The following MIB1 variants were observed in gnomAD, a reference collection of about 807,000 sequenced individuals.
MIB1 encodes the protein E3 ubiquitin-protein ligase MIB1.
MIB1 carries 278 observed loss-of-function variants against 124.5 expected under a neutral mutation model. That is an observed-to-expected ratio of 2.23 (90% CI 2.02 to 2.47). The LOEUF is 2.47. Among genes scored for constraint, MIB1 ranks in the 30% most tolerant of loss-of-function variants. The probability of loss-of-function intolerance (pLI) is 0.00; values close to 1 mark genes in which losing one functional copy is unlikely to be tolerated. For missense variants in MIB1, 957 were observed against 1,254.4 expected (o/e 0.76, Z 3.58); for synonymous variants, 446 against 429.4 (o/e 1.04, Z -0.48).
At chr18:21,706,609 T>G (rs2040635947) in intron 1 of MIB1, among the ~76,000 whole-genome samples, 1 of 152,034 alleles carries the variant, frequency 6.6e-6, no homozygotes, top group Admixed American at 6.6e-5. Flanking sequence ...CCCTGCACTC[T>G]GAGCGCCGGC....
At chr18:21,802,148 G>A (rs533320283) in intron 9 of MIB1, among the ~76,000 whole-genome samples, 22 of 152,096 alleles carry the variant, frequency 1.4e-4, no homozygotes, top group Non-Finnish European at 3.1e-4. Context: ...AAGCCATTCT[G>A]ATTCCTGATC....
chr18:21,840,513 G>C (rs1426005054), intron 13 of MIB1, among the ~76,000 whole-genome samples: 1 of 151,742 alleles, frequency 6.6e-6, no homozygotes, highest in Non-Finnish European at 1.5e-5. Context: ...AGCCAGCCAG[G>C]CCTGTTGACT....
At chr18:21,825,119 G>A (rs1478411920) in intron 12 of MIB1, among the ~76,000 whole-genome samples, 3 of 151,946 alleles carry the variant, frequency 2.0e-5, no homozygotes, top group African/African-American at 7.2e-5. Context: ...AGGGTCAGAA[G>A]AACTAGATAA....
chr18:21,814,068 T>G (rs1484521417), intron 10 of MIB1, among the ~76,000 whole-genome samples: 1 of 152,220 alleles, frequency 6.6e-6, no homozygotes, highest in African/African-American at 2.4e-5. Context: ...GTTTTTCCCC[T>G]TTATAAAGTA....
intron 1 of MIB1, chr18:21,705,137 G>T: frequency 6.5e-6 from 1 of 153,544 alleles, no homozygotes. Flanking sequence ...AGCGTGCCTT[G>T]CATTCAAAGA....
intron 1 of MIB1, among the ~76,000 whole-genome samples, chr18:21,725,209 C>A (rs1292766797): frequency 6.6e-6 from 1 of 151,420 alleles, no homozygotes; most frequent in Non-Finnish European, 1.5e-5. Context: ...AATTTTAACA[C>A]TAACAATTTG....
chr18:21,789,235 A>G (rs757682725), intron 6 of MIB1, among the ~76,000 whole-genome samples: 1 of 150,746 alleles, frequency 6.6e-6, no homozygotes, highest in Non-Finnish European at 1.5e-5. Flanking sequence ...TGGCTTGTAG[A>G]TGCATCACTC....
chr18:21,772,615 T>A (rs2041235095), intron 3 of MIB1, among the ~76,000 whole-genome samples: 1 of 152,172 alleles, frequency 6.6e-6, no homozygotes, highest in Admixed American at 6.5e-5. Context: ...GTCCTAAGCA[T>A]TTCAGATAAG....
In MIB1 at chr18:21,820,431, A is replaced by C. The variant is rs568210394; in HGVS notation, c.1829+785A>C. Among the ~76,000 whole-genome samples the C allele has an allele frequency of 2.1e-4, 32 of 152,228 alleles. 1 individual carries two copies. The highest frequency in any genetic ancestry group is 6.7e-4 in the African/African-American group (28 of 41,552). ...TTCTTTGGTTCCTTATTGTATTTTT[A>C]TATCATGTTTCCTTTAGCTTCTTAG... is the stretch of plus-strand genomic sequence containing the variant. On this transcript the variant is annotated intron_variant, in intron 12 of 20. Coordinates refer to ENST00000261537, the MANE Select transcript of MIB1 (RefSeq NM_020774.4).
At chr18:21,852,304 A>G (rs977926607) in intron 17 of MIB1, among the ~76,000 whole-genome samples, 21 of 152,176 alleles carry the variant, frequency 1.4e-4, no homozygotes, top group Admixed American at 1.1e-3. Context: ...CCATAGAGAG[A>G]AAGAGAGAGA....
chr18:21,715,876 C>A (rs57398097), intron 1 of MIB1, among the ~76,000 whole-genome samples: 4,668 of 152,076 alleles, frequency 0.031, 265 homozygotes, highest in African/African-American at 0.11. Context: ...ATTAAATGAC[C>A]AAACTTAAGA....
intron 15 of MIB1, among the ~76,000 whole-genome samples, chr18:21,846,117 T>G (rs1320007676): frequency 6.6e-6 from 1 of 152,090 alleles, no homozygotes; most frequent in African/African-American, 2.4e-5. Flanking sequence ...AGTCCTCCAG[T>G]TTTCTTGTTT....
intron 1 of MIB1, among the ~76,000 whole-genome samples, chr18:21,742,074 A>T (rs1165979824): frequency 1.3e-5 from 2 of 152,180 alleles, no homozygotes; most frequent in African/African-American, 2.4e-5. Context: ...GACACAAAGC[A>T]CCGGGAAGAG....
intron 1 of MIB1, among the ~76,000 whole-genome samples, chr18:21,707,491 G>A (rs1369776142): frequency 1.3e-5 from 2 of 152,218 alleles, no homozygotes. Flanking sequence ...GCTCTTTGCA[G>A]TAAATCTTGC....
chr18:21,813,791 G>A (rs1164347012), intron 10 of MIB1, among the ~76,000 whole-genome samples: 1 of 152,124 alleles, frequency 6.6e-6, no homozygotes, highest in Non-Finnish European at 1.5e-5. Context: ...CAGACCCCTT[G>A]CAAAACTAGG....
In MIB1 at chr18:21,768,900, A is replaced by G. The variant is rs564144070; in HGVS notation, c.531+148A>G. ...CTTGATTTCTTTTTTCTCTGGAAGT[A>G]AAAAGATTGTTCTTGCTTTTTGTAA... On this transcript the variant is annotated intron_variant, in intron 3 of 20. Transcript: ENST00000261537. The G allele has an allele frequency of 7.8e-4, 558 of 716,900 alleles. 8 individuals are homozygous for G. In the South Asian group the frequency reaches 0.013, roughly 17 times the overall value. 44.4% of individuals were successfully genotyped at this position (716,900 alleles called of 1,614,324 possible). A position where few individuals can be genotyped will look rare whatever the true frequency, so the allele number is the denominator to read the frequency against.
At chr18:21,811,090 G>A (rs1293331535) in intron 10 of MIB1, among the ~76,000 whole-genome samples, 2 of 152,110 alleles carry the variant, frequency 1.3e-5, no homozygotes, top group Non-Finnish European at 2.9e-5. Context: ...CAAAGAATAT[G>A]TATGAATGAT....
rs566279525 is a variant in MIB1 at position 21,773,650 on chromosome 18, A to G, written c.558A>G (p.Ala186=). The change falls in exon 4 of 21, where the codon GCA becomes GCG. Residue 186 remains alanine, a synonymous_variant. Coordinates refer to ENST00000261537, the MANE Select transcript of MIB1 (RefSeq NM_020774.4). The part of the protein sequence containing the change: ...GKVTEIQDWS[A]SSPHSAAYVL... ...TAACAGAAATCCAGGACTGGAGTGCATCAAGCCCACATAGCGCAGCATATG... is the reference window on the plus strand; with the variant it reads ...TAACAGAAATCCAGGACTGGAGTGCGTCAAGCCCACATAGCGCAGCATATG... 1.2e-6 allele frequency: 2 copies of G among 1,610,138 alleles called. No homozygotes were observed. The highest frequency in any genetic ancestry group is 1.1e-5 in the South Asian group (1 of 90,072).
chr18:21,709,933 A>G (rs1365761186), intron 1 of MIB1, among the ~76,000 whole-genome samples: 3 of 152,236 alleles, frequency 2.0e-5, no homozygotes, highest in Non-Finnish European at 4.4e-5. Flanking sequence ...ATAAGTTTCC[A>G]TAGCAAATGA....
Sources: gnomAD v4.1 joint callset for allele counts (sites outside exome capture counted in the v4.1 genomes callset) on GRCh38, gnomAD v4.1.1 for gene constraint, MANE v1.5 for transcripts, NCBI Gene and HGNC (gene_info 2026-07-23, HGNC 2026-07-21) for gene names.